SP4: variants seen among roughly 807,000 people sequenced by gnomAD.
The protein encoded by SP4 is transcription factor Sp4.
A neutral mutation model predicts 72.8 loss-of-function variants in SP4; 19 were observed. That is an observed-to-expected ratio of 0.26 (90% CI 0.18 to 0.38). The LOEUF is 0.38. SP4 is among the 10% of genes least tolerant of loss of function. The pLI is 1.00. For missense variants in SP4, 1,008 were observed against 926.3 expected (o/e 1.09, Z -1.14); for synonymous variants, 395 against 333.1 (o/e 1.19, Z -2.02).
chr7:21,432,226 T>C (rs1782884703), intron 3 of SP4, among the ~76,000 whole-genome samples: 2 of 152,250 alleles, frequency 1.3e-5, no homozygotes, highest in South Asian at 4.1e-4. Flanking sequence ...TCCATTGCGG[T>C]ACTTTTTCTC....
chr7:21,484,934 C>T (rs1784773460), intron 5 of SP4, among the ~76,000 whole-genome samples: 1 of 151,630 alleles, frequency 6.6e-6, no homozygotes, highest in Non-Finnish European at 1.5e-5. Flanking sequence ...AGATTCACAC[C>T]ATTATTATCT....
Position 21,511,391 on chromosome 7 carries a change from A to C in SP4, c.*122A>C. ...TTATGTTTTCATTCTTGGCTTCTTT[A>C]AGTATTCCAGGGTTTGGGGTCAACA... On this transcript the variant is annotated 3_prime_UTR_variant, in exon 6 of 6. Coordinates refer to ENST00000222584, the MANE Select transcript of SP4 (RefSeq NM_003112.5). The C allele has an allele frequency of 9.4e-7, 1 of 1,064,816 alleles. No individual in the cohort carries two copies. Among genetic ancestry groups the C allele is most frequent in the Non-Finnish European group, 1.3e-6 (1 of 745,478 alleles). 66.0% of individuals were successfully genotyped at this position (1,064,816 alleles called of 1,614,324 possible). A position where few individuals can be genotyped will look rare whatever the true frequency, so the allele number is the denominator to read the frequency against.
intron 3 of SP4, among the ~76,000 whole-genome samples, chr7:21,433,094 G>A (rs753561280): frequency 1.3e-5 from 2 of 152,198 alleles, no homozygotes; most frequent in African/African-American, 2.4e-5. Flanking sequence ...GAGCTAGTTC[G>A]TTTGTGCCTC....
chr7:21,490,069 T>C (rs934253673), intron 5 of SP4, among the ~76,000 whole-genome samples: 3 of 152,270 alleles, frequency 2.0e-5, no homozygotes, highest in African/African-American at 7.2e-5. Context: ...TTCCATTGAC[T>C]ACACTAAAAA....
intron 5 of SP4, among the ~76,000 whole-genome samples, chr7:21,497,287 TAGTGGCTGCCAGATGGTGC>T (rs1781735416): frequency 3.8e-5 from 1 of 26,214 alleles, no homozygotes; most frequent in Non-Finnish European, 1.3e-4. Flanking sequence ...CCACCCCCTC[TAGTGGCTGCCAGATGGTGC>T]CAAGAATTCA....
chr7:21,482,936 T>C (rs1203111171), intron 5 of SP4: 2 of 180,024 alleles, frequency 1.1e-5, no homozygotes, highest in African/African-American at 4.8e-5. Flanking sequence ...ATTGCTAGGG[T>C]TTGTGTGTGC....
chr7:21,429,447 A>C lies in SP4; in HGVS notation c.282A>C (p.Thr94=), dbSNP rs756183659. The C allele has an allele frequency of 1.2e-6, 2 of 1,614,224 alleles. No individual in the cohort carries two copies. The highest frequency in any genetic ancestry group is 1.3e-5 in the African/African-American group (1 of 75,058). The change falls in exon 3 of 6, where the codon ACA becomes ACC. Residue 94 remains threonine, a synonymous_variant. Coordinates refer to ENST00000222584, the MANE Select transcript of SP4 (RefSeq NM_003112.5). ...AACCACAACAGCTAGAACTGGTAAC[A>C]ACGCAACTTGCTGGAAACGCTTGGC... ...QNQPQQLELV[T]TQLAGNAWQL... is the part of the protein sequence containing the mutation.
intron 4 of SP4, among the ~76,000 whole-genome samples, chr7:21,480,770 T>G (rs75440278): frequency 0.014 from 2,093 of 152,336 alleles, 50 homozygotes; most frequent in East Asian, 0.08. Flanking sequence ...AGCCTTTATT[T>G]CCAGTGAATC....
At chr7:21,460,137 A>G (rs1351832533) in intron 3 of SP4, among the ~76,000 whole-genome samples, 1 of 152,242 alleles carries the variant, frequency 6.6e-6, no homozygotes, top group Non-Finnish European at 1.5e-5. Flanking sequence ...GGCATTGTAC[A>G]AAAGATAGTG....
At chr7:21,480,949 C>T (rs1466362787) in intron 4 of SP4, among the ~76,000 whole-genome samples, 1 of 152,030 alleles carries the variant, frequency 6.6e-6, no homozygotes, top group African/African-American at 2.4e-5. Flanking sequence ...GCTTTTGAAC[C>T]GGGGGTTGAG....
intron 5 of SP4, chr7:21,482,846 A>C (rs1784722420): frequency 1.5e-6 from 1 of 683,388 alleles, no homozygotes; most frequent in South Asian, 6.5e-5. Flanking sequence ...GCATATATGA[A>C]TTTCCTTGAA....
chr7:21,512,193 G>C lies in SP4; in HGVS notation c.*924G>C, dbSNP rs1188275763. The stretch of plus-strand genomic sequence containing the variant: ...GTAGTTTCATATTTTGTAAATATGA[G>C]TTATGTTGACAATGTGCAGAATTCT... On this transcript the variant is annotated 3_prime_UTR_variant, in exon 6 of 6. Transcript: ENST00000222584. 1.3e-5 allele frequency: 2 copies of C among 152,584 alleles called. No individual in the cohort carries two copies. The highest frequency in any genetic ancestry group is 1.3e-4 in the Admixed American group (2 of 15,268). 9.5% of individuals were successfully genotyped at this position (152,584 alleles called of 1,614,324 possible).
intron 3 of SP4, among the ~76,000 whole-genome samples, chr7:21,446,185 C>G (rs1193891737): frequency 2.0e-5 from 3 of 152,102 alleles, no homozygotes; most frequent in Non-Finnish European, 4.4e-5. Flanking sequence ...CGCACCTTCA[C>G]TATAATTAAG....
chr7:21,460,919 TA>T (rs1307455579), intron 3 of SP4, among the ~76,000 whole-genome samples: 4 of 152,006 alleles, frequency 2.6e-5, no homozygotes, highest in African/African-American at 9.7e-5. Flanking sequence ...CACAATCCCT[TA>T]GCTAGACATA....
chr7:21,431,744 A>G (rs1782862946), intron 3 of SP4, among the ~76,000 whole-genome samples: 1 of 152,114 alleles, frequency 6.6e-6, no homozygotes, highest in Admixed American at 6.5e-5. Flanking sequence ...AACCCTTTTC[A>G]TTGATTCTGA....
chr7:21,504,564 G>A (rs1781947462), intron 5 of SP4, among the ~76,000 whole-genome samples: 1 of 152,108 alleles, frequency 6.6e-6, no homozygotes. Context: ...CTAAGGTTTG[G>A]TCCTACTTTG....
intron 5 of SP4, among the ~76,000 whole-genome samples, chr7:21,498,618 G>A (rs574907442): frequency 4.9e-4 from 74 of 152,248 alleles, no homozygotes; most frequent in Non-Finnish European, 8.5e-4. Flanking sequence ...CAACACAGAG[G>A]TGAGGCAAGT....
intron 5 of SP4, among the ~76,000 whole-genome samples, chr7:21,492,537 A>T (rs558747337): frequency 6.6e-6 from 1 of 152,280 alleles, no homozygotes; most frequent in Admixed American, 6.5e-5. Context: ...AATCTGAAAC[A>T]CTTATAGGCC....
chr7:21,472,983 CTG>C (rs2128407825), intron 3 of SP4, among the ~76,000 whole-genome samples: 1 of 152,276 alleles, frequency 6.6e-6, no homozygotes, highest in East Asian at 1.9e-4. Flanking sequence ...GAACCAGGAG[CTG>C]AGTAAGTCCT....
Sources: gnomAD v4.1 joint callset for allele counts (sites outside exome capture counted in the v4.1 genomes callset) on GRCh38, gnomAD v4.1.1 for gene constraint, MANE v1.5 for transcripts, NCBI Gene and HGNC (gene_info 2026-07-23, HGNC 2026-07-21) for gene names.